Variants in MSI1 observed in about 807,000 individuals in gnomAD.
The protein encoded by MSI1 is musashi RNA binding protein 1.
In MSI1, 15 loss-of-function variants were observed where a neutral mutation model predicts 54.4. The ratio of observed to expected loss-of-function variants is 0.28; its 90% CI spans 0.18 to 0.42. The LOEUF (loss-of-function observed/expected upper bound fraction) is 0.42. Ranked by LOEUF, MSI1 falls within the 20% of genes least tolerant of loss-of-function variation. MSI1 has a pLI of 1.00. For missense variants in MSI1, 304 were observed against 506.0 expected (o/e 0.60, Z 3.83); for synonymous variants, 200 against 196.5 (o/e 1.02, Z -0.15).
chr12:120,351,882 G>A (rs1874640355), intron 10 of MSI1, among the ~76,000 whole-genome samples: 1 of 151,326 alleles, frequency 6.6e-6, no homozygotes, highest in African/African-American at 2.4e-5. Context: ...ATAATTTTTT[G>A]TATTTTTAGT....
chr12:120,345,777 C>A, intron 13 of MSI1, 145 bp from the exon 14 acceptor site: 1 of 942,834 alleles, frequency 1.1e-6, no homozygotes, highest in East Asian at 2.4e-5. Flanking sequence ...TCTGCCTACC[C>A]GGATCACCCC....
chr12:120,353,521 A>G (rs1222704036), intron 9 of MSI1, 142 bp from the exon 10 acceptor site: 3 of 747,794 alleles, frequency 4.0e-6, no homozygotes, highest in Admixed American at 2.3e-5. Context: ...TCTTCATACC[A>G]AGCCCTGTGC....
At position 120,368,869 on chromosome 12, in the gene MSI1, T is replaced by A; in HGVS notation, c.64A>T (p.Met22Leu). The change falls in exon 2 of 15, where the codon ATG becomes TTG. Residue 22 changes from methionine to leucine, a missense_variant. Transcript: ENST00000257552. This position sits in a 1 kb window ranked among gnomAD's most constrained non-coding sequence, Gnocchi z 6.6. ...SPDSPHDPCK[M>L]FIGGLSWQTT... ...TGCCAACTGAGTCCCCCGATGAACA[T>A]CTTGCTGCGGGAGGAGGAGAGACAC... 6.8e-7 allele frequency: 1 copy of A among 1,468,328 alleles called. No homozygotes were observed. The highest frequency in any genetic ancestry group is 9.1e-7 in the Non-Finnish European group (1 of 1,099,450). 91.0% of individuals were successfully genotyped at this position (1,468,328 alleles called of 1,614,324 possible).
rs1041493965 is a variant in MSI1 at position 120,369,092 on chromosome 12, C to A, written c.-1G>T. The A allele has an allele frequency of 5.3e-5, 54 of 1,015,642 alleles. No homozygotes were observed. The African/African-American group carries it at 8.9e-4, about 17-fold the overall frequency. 62.9% of individuals were successfully genotyped at this position (1,015,642 alleles called of 1,614,324 possible). ...CGGGCTGGGGCGCGTCAGTCTCCAT[C>A]GGGAGCCGCGGGCGGCGCGGGCAGC... On this transcript the variant is annotated 5_prime_UTR_variant, in exon 1 of 15. Transcript: ENST00000257552.
downstream of MSI1, chr12:120,341,312 GACATTC>G (rs1230601003): frequency 6.6e-6 from 1 of 152,478 alleles, no homozygotes; most frequent in Admixed American, 6.6e-5. Flanking sequence ...AGAGACACAA[GACATTC>G]ACAAGCCCAG....
rs542793076 is a variant in MSI1 at position 120,368,069 on chromosome 12, A to G, written c.206T>C (p.Met69Thr). The change falls in exon 4 of 15, where the codon ATG becomes ACG. Residue 69 changes from methionine to threonine, a missense_variant. By Grantham distance (81) the Met-to-Thr change is moderately conservative. This residue lies in a region of MSI1 where 105 missense variants were observed against 230.1 expected (regional missense o/e 0.46). Transcript: ENST00000257552. The surrounding 1 kb of genome is among the most constrained non-coding windows in gnomAD (Gnocchi z 6.6). ...CACTTTATCCACCCCCGCCTGGTCC[A>G]TGAAAGTGACGAAGCCGAAACCCCT... The part of the protein sequence containing the change: ...RSRGFGFVTF[M>T]DQAGVDKVLA... 4 of 1,613,814 alleles carry G rather than the reference A, an allele frequency of 2.5e-6. No individual in the cohort carries two copies. Among genetic ancestry groups the G allele is most frequent in the East Asian group, 2.2e-5 (1 of 44,840 alleles).
In MSI1 at chr12:120,356,907, A is replaced by C. The variant is rs774866690; in HGVS notation, c.647T>G (p.Met216Arg). The C allele has an allele frequency of 1.2e-5, 19 of 1,613,752 alleles. No individual in the cohort carries two copies. Among genetic ancestry groups the C allele is most frequent in the Non-Finnish European group, 1.7e-6 (2 of 1,179,982 alleles). The change falls in exon 9 of 15, where the codon ATG becomes AGG. Residue 216 changes from methionine to arginine, a missense_variant. This residue lies in a region of MSI1 where 147 missense variants were observed against 231.5 expected (regional missense o/e 0.64). Coordinates refer to ENST00000257552, the MANE Select transcript of MSI1 (RefSeq NM_002442.4). ...AGGCGCAGGCTCGCGCATACCCAGC[A>C]TGCCGATGCCCAGCATGAAGGCGTC... ...GMDAFMLGIG[M>R]LGYPGFQATT...
chr12:120,368,897 AG>A lies in MSI1; in HGVS notation c.60-25del. Reference sequence around the variant, plus strand: ...TGCTGCGGGAGGAGGAGAGACACAAAGGGCCCGCGTGAGCGCCGGGCGCCAG... The same window carrying A: ...TGCTGCGGGAGGAGGAGAGACACAAAGGCCCGCGTGAGCGCCGGGCGCCAG... On this transcript the variant is annotated intron_variant, in intron 1 of 14. Transcript: ENST00000257552. The surrounding 1 kb of genome is among the most constrained non-coding windows in gnomAD (Gnocchi z 6.6). The A allele has an allele frequency of 7.2e-7, 1 of 1,392,828 alleles. No individual in the cohort carries two copies. 86.3% of individuals were successfully genotyped at this position (1,392,828 alleles called of 1,614,324 possible).
chr12:120,345,110 G>C (rs1177127838), intron 14 of MSI1, among the ~76,000 whole-genome samples: 1 of 152,072 alleles, frequency 6.6e-6, no homozygotes. Flanking sequence ...CCAGCACTTT[G>C]GGGGACCAGG....
intron 11 of MSI1, among the ~76,000 whole-genome samples, chr12:120,348,025 GCTCACA>G (rs911054446): frequency 6.6e-5 from 10 of 152,108 alleles, no homozygotes; most frequent in African/African-American, 9.7e-5. Context: ...CTGAGGCTGG[GCTCACA>G]CCGAGGCCAT....
At position 120,364,731 on chromosome 12, in the gene MSI1, G is replaced by A. The variant is rs769131701; in HGVS notation, c.292C>T (p.Arg98Trp). Residue 98 changes from arginine (R) to tryptophan (W), a missense_variant, in exon 5 of 15, where the codon CGG becomes TGG. Arg to Trp is a moderately radical substitution (Grantham distance 101, BLOSUM62 -3). This residue lies in a region of MSI1 where 105 missense variants were observed against 230.1 expected (regional missense o/e 0.46). Transcript: ENST00000257552. ...ACACCTACCTTGGGCTGTGCTCGCC[G>A]AGGGAAGGCCACCTTAGGGTCAATC... ...KTIDPKVAFP[R>W]RAQPKMVTRT... 3 of 1,600,262 alleles carry A rather than the reference G, an allele frequency of 1.9e-6. No individual in the cohort carries two copies. Among genetic ancestry groups the A allele is most frequent in the Non-Finnish European group, 2.6e-6 (3 of 1,173,606 alleles).
At chr12:120,350,953 A>G (rs981599430) in intron 11 of MSI1, among the ~76,000 whole-genome samples, 4 of 152,192 alleles carry the variant, frequency 2.6e-5, no homozygotes, top group African/African-American at 9.6e-5. Context: ...GGCAAGAGTC[A>G]GCTGGCACCG....
Position 120,347,504 on chromosome 12 carries a change from G to A in MSI1, c.801C>T (p.Leu267=). 6.2e-7 allele frequency: 1 copy of A among 1,614,130 alleles called. No homozygotes were observed. Among genetic ancestry groups the A allele is most frequent in the Non-Finnish European group, 8.5e-7 (1 of 1,180,042 alleles). Reference sequence around the variant, plus strand: ...CCGCCGCCATTGGTCCGTAGGCAGTGAGAGGAATGGCTGAAAGGAAAGGGA... The same window carrying A: ...CCGCCGCCATTGGTCCGTAGGCAGTAAGAGGAATGGCTGAAAGGAAAGGGA... The part of the protein sequence containing the change: ...PVLPELTAIP[L]TAYGPMAAAA... The change falls in exon 12 of 15, where the codon CTC becomes CTT. Residue 267 remains leucine (L), a synonymous_variant. Transcript: ENST00000257552.
chr12:120,347,393 T>C (rs545799962), intron 12 of MSI1, 53 bp downstream of exon 12: 2 of 1,609,268 alleles, frequency 1.2e-6, no homozygotes, highest in South Asian at 2.2e-5. Flanking sequence ...CCCCTGGACT[T>C]CTCTGCTCCC....
chr12:120,347,921 G>A (rs896772092), intron 11 of MSI1, among the ~76,000 whole-genome samples: 25 of 152,168 alleles, frequency 1.6e-4, no homozygotes, highest in African/African-American at 5.3e-4. Flanking sequence ...GGGAGCTCAC[G>A]TCCTTCTTCG....
rs779059192 is a variant in MSI1 at position 120,363,094 on chromosome 12, C to T, written c.351G>A (p.Ser117=). ...TCACGTCCTCCACCGTGGTGTTCACCGACAGCCCCCCCACAAAGATCTTCT... is the reference window on the plus strand; with the variant it reads ...TCACGTCCTCCACCGTGGTGTTCACTGACAGCCCCCCCACAAAGATCTTCT... ...RTKKIFVGGL[S]VNTTVEDVKQ... The change falls in exon 6 of 15, where the codon TCG becomes TCA. Residue 117 remains serine, a synonymous_variant. Transcript: ENST00000257552. 5 of 1,613,986 alleles carry T rather than the reference C, an allele frequency of 3.1e-6. No homozygotes were observed. The highest frequency in any genetic ancestry group is 2.2e-5 in the East Asian group (1 of 44,888).
rs34243955 is a variant in MSI1 at position 120,363,261 on chromosome 12, G to GCCC, written c.310-129_310-127dup. ...CTCTGTGGCCCCAGCCTCTTTAAAG[G>GCCC]CCCCCCCCCCGCAAGCTCCCTCTTG... On this transcript the variant is annotated intron_variant, in intron 5 of 14. Coordinates refer to ENST00000257552, the MANE Select transcript of MSI1 (RefSeq NM_002442.4). 5.4e-4 allele frequency: 302 copies of GCCC among 555,704 alleles called. 1 individual carries two copies. The African/African-American group carries it at 6.1e-3, about 11-fold the overall frequency. 34.4% of individuals were successfully genotyped at this position (555,704 alleles called of 1,614,324 possible). A position where few individuals can be genotyped will look rare whatever the true frequency, so the allele number is the denominator to read the frequency against.
chr12:120,360,825 T>TC (rs1491251199), intron 6 of MSI1, among the ~76,000 whole-genome samples: 2 of 11,300 alleles, frequency 1.8e-4, no homozygotes, highest in East Asian at 2.1e-3. Flanking sequence ...GAAAGACACC[T>TC]TTTTTTTTTT....
intron 13 of MSI1, among the ~76,000 whole-genome samples, chr12:120,345,844 C>T (rs1242422769): frequency 6.6e-5 from 10 of 151,970 alleles, no homozygotes; most frequent in Admixed American, 2.0e-4. Flanking sequence ...CTGCACAAAC[C>T]GTACCCTGGA....
Sources: gnomAD v4.1 joint callset for allele counts (sites outside exome capture counted in the v4.1 genomes callset) on GRCh38, gnomAD v4.1.1 for gene constraint, gnomAD v4.1.1 regional missense constraint, Gnocchi (gnomAD v3.1) non-coding constraint, MANE v1.5 for transcripts, NCBI Gene and HGNC (gene_info 2026-07-23, HGNC 2026-07-21) for gene names.